Variants in FBN1 observed in about 807,000 individuals in gnomAD.
The protein encoded by FBN1 is fibrillin 1, also known as fibrillin-1.
FBN1 carries 29 observed loss-of-function variants against 365.1 expected under a neutral mutation model. The observed-to-expected ratio is 0.08, with a 90% CI of 0.06 to 0.11. FBN1 has a LOEUF of 0.11. Ranked by LOEUF, FBN1 falls within the 10% of genes least tolerant of loss-of-function variation. FBN1 has a pLI of 1.00. For missense variants in FBN1, 2,476 were observed against 3,703.2 expected (o/e 0.67, Z 8.60); for synonymous variants, 1,210 against 1,270.5 (o/e 0.95, Z 1.01).
At chr15:48,461,534 T>G (rs12594523) in intron 42 of FBN1, among the ~76,000 whole-genome samples, 2,677 of 152,264 alleles carry the variant, frequency 0.018, 54 homozygotes, top group East Asian at 0.084. Context: ...TTTTTCAATA[T>G]AATTGAAAAC....
At chr15:48,587,118 A>G (rs1337519635) in intron 6 of FBN1, among the ~76,000 whole-genome samples, 1 of 152,202 alleles carries the variant, frequency 6.6e-6, no homozygotes, top group Non-Finnish European at 1.5e-5. Flanking sequence ...GATGTTCTAC[A>G]AAAAGTACTT....
intron 12 of FBN1, 92 bp downstream of exon 12, chr15:48,515,295 G>C: frequency 6.9e-7 from 1 of 1,441,868 alleles, no homozygotes; most frequent in Non-Finnish European, 9.7e-7. Flanking sequence ...CCAAGTTTGG[G>C]GTAAGTTGTT....
chr15:48,617,213 C>T (rs958259238), intron 2 of FBN1, among the ~76,000 whole-genome samples: 1 of 151,774 alleles, frequency 6.6e-6, no homozygotes, highest in Non-Finnish European at 1.5e-5. Flanking sequence ...CTCGCTCTGT[C>T]GCCCAGGCTG....
intron 32 of FBN1, chr15:48,476,612 T>C (rs1342474211): frequency 1.5e-5 from 2 of 129,350 alleles, no homozygotes; most frequent in Non-Finnish European, 1.6e-5. Context: ...TTTCTTTTCT[T>C]TTTTTTTTTT....
intron 6 of FBN1, among the ~76,000 whole-genome samples, chr15:48,555,897 T>G (rs1597603061): frequency 1.3e-5 from 2 of 152,196 alleles, no homozygotes; most frequent in Non-Finnish European, 2.9e-5. Context: ...AGATAATAAA[T>G]AGGCTTTTGC....
chr15:48,500,041 C>A (rs2043641627), intron 17 of FBN1, among the ~76,000 whole-genome samples: 1 of 152,134 alleles, frequency 6.6e-6, no homozygotes, highest in South Asian at 2.1e-4. Flanking sequence ...ATCATGTCTT[C>A]TAACAAATGT....
At chr15:48,526,059 C>T in intron 9 of FBN1, 71 bp downstream of exon 9, 2 of 1,593,016 alleles carry the variant, frequency 1.3e-6, no homozygotes, top group Non-Finnish European at 1.7e-6. Flanking sequence ...CCTTAACAAG[C>T]TTGTTTAGAA....
chr15:48,584,967 T>G (rs540166127), intron 6 of FBN1, among the ~76,000 whole-genome samples: 1 of 152,360 alleles, frequency 6.6e-6, no homozygotes, highest in East Asian at 1.9e-4. Context: ...AAAATTTACT[T>G]CTGGCTTCGC....
intron 47 of FBN1, 50 bp from the exon 48 acceptor site, chr15:48,445,554 A>T: frequency 2.5e-6 from 4 of 1,592,438 alleles, no homozygotes; most frequent in Non-Finnish European, 3.4e-6. Flanking sequence ...AGATGTCATA[A>T]TCCCAGCAAT....
intron 30 of FBN1, among the ~76,000 whole-genome samples, chr15:48,484,994 T>G (rs1220804726): frequency 1.3e-5 from 2 of 152,322 alleles, no homozygotes; most frequent in East Asian, 3.9e-4. Flanking sequence ...GAATGGGGCC[T>G]GAGATTTTAC....
At chr15:48,586,298 C>T (rs1208331589) in intron 6 of FBN1, among the ~76,000 whole-genome samples, 1 of 148,014 alleles carries the variant, frequency 6.8e-6, no homozygotes, top group Non-Finnish European at 1.5e-5. Flanking sequence ...CAGAGGTGGC[C>T]ATGTCAGCAA....
intron 6 of FBN1, among the ~76,000 whole-genome samples, chr15:48,564,389 G>C (rs2044244867): frequency 6.6e-6 from 1 of 152,120 alleles, no homozygotes; most frequent in South Asian, 2.1e-4. Flanking sequence ...GTGATACAAA[G>C]CCAATGCGGT....
Position 48,532,506 on chromosome 15 carries a change from A to ATG in FBN1, c.862+1572_862+1573dup, listed in dbSNP as rs528870539. Among the ~76,000 whole-genome samples, 653 of 149,724 alleles carry ATG rather than the reference A, an allele frequency of 4.4e-3. 3 individuals carry two copies. The highest frequency in any genetic ancestry group is 8.0e-3 in the Admixed American group (120 of 14,992). ...TGTGTGTGTGTATATATATATGTGT[A>ATG]TGTGTGTGTGTGTGTGTATATGGCC... On this transcript the variant is annotated intron_variant, in intron 8 of 65. Coordinates refer to ENST00000316623, the MANE Select transcript of FBN1 (RefSeq NM_000138.5).
At chr15:48,630,713 C>T (rs1597644016) in intron 2 of FBN1, among the ~76,000 whole-genome samples, 1 of 114,284 alleles carries the variant, frequency 8.8e-6, no homozygotes, top group Admixed American at 1.4e-4. Context: ...GCCTGGATGA[C>T]AGAGTGAGAC....
At chr15:48,546,607 G>A (rs908879388) in intron 6 of FBN1, among the ~76,000 whole-genome samples, 9 of 152,154 alleles carry the variant, frequency 5.9e-5, no homozygotes, top group South Asian at 2.1e-4. Context: ...AGGACATCTC[G>A]GGATATGATG....
intron 6 of FBN1, among the ~76,000 whole-genome samples, chr15:48,571,703 G>T (rs1382199877): frequency 2.6e-5 from 4 of 152,084 alleles, no homozygotes; most frequent in Non-Finnish European, 5.9e-5. Flanking sequence ...GTGCACACGT[G>T]ACCACATTCA....
rs547563972 is a variant in FBN1, at chr15:48,460,719, T to C, written c.5225-402A>G. ...GTATAAAAGCCATTTTCTCGGTAGATTATAGGAGACCATAGCAAATCTAGC... is the reference window on the plus strand; with the variant it reads ...GTATAAAAGCCATTTTCTCGGTAGACTATAGGAGACCATAGCAAATCTAGC... On this transcript the variant is annotated intron_variant, in intron 42 of 65. Coordinates refer to ENST00000316623, the MANE Select transcript of FBN1 (RefSeq NM_000138.5). Among the ~76,000 whole-genome samples the C allele has an allele frequency of 3.9e-5, 6 of 152,298 alleles. No individual in the cohort carries two copies. The South Asian group carries it at 1.0e-3, about 26-fold the overall frequency.
intron 16 of FBN1, 57 bp from the exon 17 acceptor site, chr15:48,503,996 C>A (rs2043687542): frequency 6.2e-7 from 1 of 1,606,684 alleles, no homozygotes; most frequent in Non-Finnish European, 8.5e-7. Context: ...TGAGAACCCC[C>A]CAAGTCAAAG....
chr15:48,531,631 G>A (rs2043974020), intron 8 of FBN1, among the ~76,000 whole-genome samples: 1 of 152,082 alleles, frequency 6.6e-6, no homozygotes, highest in Non-Finnish European at 1.5e-5. Flanking sequence ...TCCCTCTATT[G>A]GCCATCTAGA....
Sources: allele counts gnomAD v4.1 joint callset (sites outside exome capture counted in the v4.1 genomes callset), GRCh38; gene constraint gnomAD v4.1.1; transcripts MANE v1.5; gene names NCBI Gene and HGNC (gene_info 2026-07-23, HGNC 2026-07-21).